Variants in FBXO16 observed in about 807,000 individuals in gnomAD.
FBXO16 encodes F-box protein 16.
FBXO16 carries 31 observed loss-of-function variants against 41.0 expected under a neutral mutation model. That is an observed-to-expected ratio of 0.76 (90% confidence interval 0.57 to 1.02). The LOEUF is 1.02. Among genes scored for constraint, FBXO16 ranks in the 50% least tolerant of loss-of-function variants. The pLI, the probability that FBXO16 is intolerant of heterozygous loss-of-function variation, is 0.00. For synonymous variants in FBXO16, 133 were observed against 117.8 expected, an observed-to-expected ratio of 1.13 and a Z score of -0.84; for missense variants, 361 against 346.2, an observed-to-expected ratio of 1.04 and a Z score of -0.34.
At position 28,429,255 on chromosome 8, in the gene FBXO16, T is replaced by C. The variant is rs557829512; in HGVS notation, c.869+123A>G. 1,528 of 1,088,492 alleles carry C rather than the reference T, an allele frequency of 1.4e-3. 1 individual carries two copies. Among genetic ancestry groups the C allele is most frequent in the Middle Eastern group, 2.9e-3 (14 of 4,868 alleles). 67.4% of individuals were successfully genotyped at this position (1,088,492 alleles called of 1,614,324 possible). On this transcript the variant is annotated intron_variant, in intron 8 of 8. Transcript: ENST00000380254. ...GCCTCTGCCTCCCAAAGTGCTGAGA[T>C]TATCAGCGTGAGCCACTGTGCCCAG...
chr8:28,470,271 A>G (rs1283600903), intron 3 of FBXO16, among the ~76,000 whole-genome samples: 3 of 152,134 alleles, frequency 2.0e-5, no homozygotes, highest in Non-Finnish European at 2.9e-5. Context: ...TATGTAATGA[A>G]CTCCAGAGCT....
At chr8:28,438,959 G>A (rs1478743008) in intron 7 of FBXO16, among the ~76,000 whole-genome samples, 1 of 151,884 alleles carries the variant, frequency 6.6e-6, no homozygotes. Context: ...AATCAGCCGG[G>A]CGTGGTGGCA....
chr8:28,487,155 T>A (rs1215456409), intron 1 of FBXO16, among the ~76,000 whole-genome samples: 3 of 152,062 alleles, frequency 2.0e-5, no homozygotes, highest in Non-Finnish European at 4.4e-5. Flanking sequence ...TAGATTAGAC[T>A]TTCTTTCAAC....
At chr8:28,484,195 A>G (rs1174529257) in intron 1 of FBXO16, among the ~76,000 whole-genome samples, 1 of 152,198 alleles carries the variant, frequency 6.6e-6, no homozygotes, top group Non-Finnish European at 1.5e-5. Flanking sequence ...TTAAATTTAA[A>G]ATCATCATGC....
intron 1 of FBXO16, among the ~76,000 whole-genome samples, chr8:28,489,699 CAAAAAACAAA>C (rs1377695260): frequency 1.5e-4 from 17 of 114,508 alleles, no homozygotes; most frequent in African/African-American, 5.1e-4. Flanking sequence ...GACCCTGTCT[CAAAAAACAAA>C]AACCAACAAA....
intron 1 of FBXO16, among the ~76,000 whole-genome samples, chr8:28,489,609 A>AG (rs1397240558): frequency 6.6e-5 from 10 of 151,750 alleles, no homozygotes; most frequent in African/African-American, 2.4e-4. Context: ...CTGAGATGGA[A>AG]GGATTCCTTG....
At position 28,443,997 on chromosome 8, in the gene FBXO16, T is replaced by C. The variant is rs888586967; in HGVS notation, c.843+3174A>G. Among the ~76,000 whole-genome samples the C allele has an allele frequency of 1.4e-4, 21 of 152,328 alleles. 1 individual carries two copies. The highest frequency in any genetic ancestry group is 5.1e-4 in the African/African-American group (21 of 41,576). On this transcript the variant is annotated intron_variant, in intron 7 of 8. Transcript: ENST00000380254. ...CAACCAGCAGCCCTCGGGGCTGCTC[T>C]GTCTATGGAGTAGCCATTCTTTTAT... is the stretch of plus-strand genomic sequence containing the variant.
At chr8:28,440,527 A>G (rs552496196) in intron 7 of FBXO16, among the ~76,000 whole-genome samples, 27 of 152,340 alleles carry the variant, frequency 1.8e-4, no homozygotes, top group African/African-American at 6.5e-4. Context: ...AATATGATCC[A>G]GGAATCACTT....
At chr8:28,463,324 GTA>G (rs1803172490) in intron 4 of FBXO16, among the ~76,000 whole-genome samples, 2 of 151,792 alleles carry the variant, frequency 1.3e-5, no homozygotes, top group South Asian at 2.1e-4. Context: ...GTGTATATGT[GTA>G]TGTGTGTTTG....
intron 7 of FBXO16, among the ~76,000 whole-genome samples, chr8:28,437,633 G>A (rs138586840): frequency 6.6e-6 from 1 of 152,332 alleles, no homozygotes; most frequent in African/African-American, 2.4e-5. Flanking sequence ...AGTGCTCGGG[G>A]AGGCCAAGGC....
In FBXO16 at chr8:28,463,544, TAGTTTCA is replaced by T. The variant is rs377196688; in HGVS notation, c.342+61_342+67del. ...TATGCCTGTGTTTCCCCTTAACTTC[TAGTTTCA>T]AGTTTCAAGTTTCCTAAGGCTGTCC... On this transcript the variant is annotated intron_variant, in intron 4 of 8. Transcript: ENST00000380254. 1,236 of 1,518,642 alleles carry T rather than the reference TAGTTTCA, an allele frequency of 8.1e-4. 13 individuals are homozygous for T. In the African/African-American group the frequency reaches 0.014, roughly 18 times the overall value. 94.1% of individuals were successfully genotyped at this position (1,518,642 alleles called of 1,614,324 possible).
At chr8:28,453,404 T>G (rs1450429408) in intron 5 of FBXO16, among the ~76,000 whole-genome samples, 3 of 151,894 alleles carry the variant, frequency 2.0e-5, no homozygotes, top group Non-Finnish European at 4.4e-5. Flanking sequence ...AACTTTGAGT[T>G]GCAGAGAGGT....
chr8:28,436,369 G>T, intron 7 of FBXO16, among the ~76,000 whole-genome samples: 1 of 152,254 alleles, frequency 6.6e-6, no homozygotes, highest in East Asian at 1.9e-4. Flanking sequence ...TTTACTCCCC[G>T]CTTATGCTTC....
chr8:28,456,688 T>C (rs1803043626), intron 5 of FBXO16, 78 bp downstream of exon 5: 1 of 1,522,746 alleles, frequency 6.6e-7, no homozygotes, highest in Non-Finnish European at 9.0e-7. Context: ...CAACTTCCAG[T>C]CTGATCCTTT....
chr8:28,459,919 G>A (rs929670248), intron 4 of FBXO16, among the ~76,000 whole-genome samples: 2 of 150,884 alleles, frequency 1.3e-5, no homozygotes, highest in African/African-American at 2.4e-5. Context: ...TCAGCTACTC[G>A]AGATTCTGAG....
At chr8:28,453,666 C>T (rs1802991323) in intron 5 of FBXO16, among the ~76,000 whole-genome samples, 2 of 151,820 alleles carry the variant, frequency 1.3e-5, no homozygotes, top group South Asian at 4.1e-4. Flanking sequence ...AGAAATTCCC[C>T]AGTTCCCCCA....
At chr8:28,444,371 C>T (rs112623459) in intron 7 of FBXO16, among the ~76,000 whole-genome samples, 12,172 of 143,466 alleles carry the variant, frequency 0.085, 1,533 homozygotes, top group African/African-American at 0.28. Flanking sequence ...GGCGCGATCT[C>T]GGCTCACTGC....
chr8:28,466,269 A>G, intron 3 of FBXO16, among the ~76,000 whole-genome samples: 1 of 152,210 alleles, frequency 6.6e-6, no homozygotes, highest in East Asian at 1.9e-4. Flanking sequence ...CAGTAGAATA[A>G]CAGTAGAAAT....
intron 7 of FBXO16, among the ~76,000 whole-genome samples, chr8:28,441,608 T>A (rs746841545): frequency 2.8e-4 from 42 of 151,530 alleles, no homozygotes; most frequent in Non-Finnish European, 4.6e-4. Flanking sequence ...TGGTGGCAGG[T>A]GCCTGTAGTC....
Sources: allele counts gnomAD v4.1 joint callset (sites outside exome capture counted in the v4.1 genomes callset), GRCh38; gene constraint gnomAD v4.1.1; transcripts MANE v1.5; gene names NCBI Gene and HGNC (gene_info 2026-07-23, HGNC 2026-07-21).